Variants in AOPEP observed in about 807,000 individuals in gnomAD.
The protein encoded by AOPEP is aminopeptidase O.
Under a neutral mutation model 98.1 loss-of-function variants are expected in AOPEP, and 77 were observed. The ratio of observed to expected loss-of-function variants is 0.78; its 90% CI spans 0.65 to 0.95. AOPEP has a LOEUF of 0.95. Ranked by LOEUF, AOPEP falls within the 40% of genes least tolerant of loss-of-function variation. The pLI is 0.00. For missense variants in AOPEP, 1,024 were observed against 1,024.7 expected, an observed-to-expected ratio of 1.00 and a Z score of 0.01; for synonymous variants, 346 against 365.3, an observed-to-expected ratio of 0.95 and a Z score of 0.60.
intron 7 of AOPEP, among the ~76,000 whole-genome samples, chr9:94,948,512 T>A (rs1169417372): frequency 6.6e-6 from 1 of 151,986 alleles, no homozygotes; most frequent in Non-Finnish European, 1.5e-5. Context: ...CCCCATCTCT[T>A]ATCTTTGCAA....
At chr9:94,803,514 G>C (rs1848619784) in intron 5 of AOPEP, among the ~76,000 whole-genome samples, 1 of 152,090 alleles carries the variant, frequency 6.6e-6, no homozygotes, top group South Asian at 2.1e-4. Context: ...TCTCCTCTTT[G>C]ATTCTGTTTT....
intron 13 of AOPEP, among the ~76,000 whole-genome samples, chr9:95,058,063 C>A (rs2066988403): frequency 6.6e-6 from 1 of 152,212 alleles, no homozygotes; most frequent in African/African-American, 2.4e-5. Flanking sequence ...AGGACAAAAG[C>A]TTCCATTGAT....
Position 95,005,189 on chromosome 9 carries a change from A to G in AOPEP, c.2009A>G (p.Glu670Gly), listed in dbSNP as rs2061896067. 6.1e-6 allele frequency: 7 copies of G among 1,146,602 alleles called. No homozygotes were observed. The highest frequency in any genetic ancestry group is 7.5e-6 in the Non-Finnish European group (7 of 930,440). The allele number at this position is 1,146,602 out of a possible 1,614,324, so 71.0% of individuals were successfully genotyped here. A position where few individuals can be genotyped will look rare whatever the true frequency, so the allele number is the denominator to read the frequency against. The change falls in exon 12 of 17, where the codon GAG becomes GGG. Residue 670 changes from glutamate to glycine, a missense_variant. By Grantham distance (98) the Glu-to-Gly change is moderately conservative (BLOSUM62 -2). Transcript: ENST00000375315. ...CAGAGGGAGCGTCGCGCCGGGGCGG[A>G]GTGCGGGCTTGCGCGGCAAGTGCGC... ...PLQRERRAGA[E>G]CGLARQVRAE...
At chr9:94,781,690 A>T (rs1843285589) in intron 3 of AOPEP, among the ~76,000 whole-genome samples, 1 of 150,986 alleles carries the variant, frequency 6.6e-6, no homozygotes, top group Non-Finnish European at 1.5e-5. Context: ...CCTCCCGAGT[A>T]GCTGGGACTA....
intron 13 of AOPEP, among the ~76,000 whole-genome samples, chr9:95,007,388 TG>T (rs5899241): frequency 0.81 from 118,863 of 146,750 alleles, 48,788 homozygotes; most frequent in Non-Finnish European, 0.89. Context: ...GGGGAGAAAG[TG>T]GGGGGGGGAC....
rs1204293879 is a variant in AOPEP, at chr9:94,930,481, G to A, written c.1661+1950G>A. ...ATTCAGGAGCTCACTGGAGAGACTG[G>A]AACATTCAGCCTATAAAACCCTTTA... On this transcript the variant is annotated intron_variant, in intron 7 of 16. Coordinates refer to ENST00000375315, the MANE Select transcript of AOPEP (RefSeq NM_001193329.3). The surrounding 1 kb of genome is among the most constrained non-coding windows in gnomAD (Gnocchi z 4.5). Among the ~76,000 whole-genome samples the A allele has an allele frequency of 6.6e-6, 1 of 152,140 alleles. No homozygotes were observed. Among genetic ancestry groups the A allele is most frequent in the Non-Finnish European group, 1.5e-5 (1 of 68,030 alleles).
At chr9:94,902,283 A>G (rs1202513422) in intron 5 of AOPEP, among the ~76,000 whole-genome samples, 10 of 152,316 alleles carry the variant, frequency 6.6e-5, no homozygotes, top group Non-Finnish European at 1.5e-5. Flanking sequence ...AAGGAAACTA[A>G]TAAAGCTGGC....
At chr9:95,004,315 AAAAC>A (rs1378193718) in intron 11 of AOPEP, 5 of 456,358 alleles carry the variant, frequency 1.1e-5, no homozygotes, top group Admixed American at 9.4e-5. Context: ...CCTAATTATG[AAAAC>A]AGATTGACCC....
intron 1 of AOPEP, among the ~76,000 whole-genome samples, chr9:94,752,655 A>T (rs1450738922): frequency 6.6e-6 from 1 of 152,206 alleles, no homozygotes; most frequent in East Asian, 1.9e-4. Flanking sequence ...ACTAAAGATA[A>T]ACTTAAGTAA....
chr9:94,995,828 C>G (rs2061187107), intron 11 of AOPEP, among the ~76,000 whole-genome samples: 1 of 152,290 alleles, frequency 6.6e-6, no homozygotes, highest in African/African-American at 2.4e-5. Context: ...TAATAAAGCT[C>G]TAATGTTCTT....
the AOPEP span, among the ~76,000 whole-genome samples, chr9:95,103,079 A>G: frequency 6.6e-5 from 10 of 152,158 alleles, no homozygotes; most frequent in Non-Finnish European, 7.4e-5. Context: ...TTCATCAAGG[A>G]AACAATGTGA....
Position 94,792,740 on chromosome 9 carries a change from A to G in AOPEP, c.965-25A>G, listed in dbSNP as rs747943358. ...CCCAGGATCATATATTGGCCTCATT[A>G]TGGTTTTTCTCTTCCTGTTTACAGA... On this transcript the variant is annotated intron_variant, in intron 3 of 16. Coordinates refer to ENST00000375315, the MANE Select transcript of AOPEP (RefSeq NM_001193329.3). 7 of 1,566,124 alleles carry G rather than the reference A, an allele frequency of 4.5e-6. No homozygotes were observed. The Admixed American group carries it at 5.5e-5, about 12-fold the overall frequency.
chr9:95,067,535 A>C (rs1587886586), intron 14 of AOPEP, among the ~76,000 whole-genome samples: 1 of 152,172 alleles, frequency 6.6e-6, no homozygotes, highest in Admixed American at 6.5e-5. Flanking sequence ...CACTGAGGGA[A>C]CCAGCCAGCG....
At chr9:95,005,736 A>G (rs2061962083) in intron 13 of AOPEP, 120 bp downstream of exon 13, 2 of 735,576 alleles carry the variant, frequency 2.7e-6, no homozygotes, top group Admixed American at 4.7e-5. Context: ...ATAATAAACC[A>G]TAGATTTAAT....
Position 94,830,645 on chromosome 9 carries a change from G to T in AOPEP, c.1364+29643G>T, listed in dbSNP as rs1855758011. ...AATGGCCACACTGTCTTCCACGATGGTTGAAATAATTTACACTCTCACCAA... is the reference window on the plus strand; with the variant it reads ...AATGGCCACACTGTCTTCCACGATGTTTGAAATAATTTACACTCTCACCAA... On this transcript the variant is annotated intron_variant, in intron 5 of 16. Transcript: ENST00000375315. Among the ~76,000 whole-genome samples the T allele has an allele frequency of 2.6e-5, 4 of 152,292 alleles. No individual in the cohort carries two copies. In the South Asian group the frequency reaches 8.3e-4, roughly 32 times the overall value.
chr9:95,039,133 A>G (rs1182473198), intron 13 of AOPEP, among the ~76,000 whole-genome samples: 1 of 152,198 alleles, frequency 6.6e-6, no homozygotes, highest in East Asian at 1.9e-4. Flanking sequence ...ATTGAATAGC[A>G]TAATGGTGGA....
intron 5 of AOPEP, among the ~76,000 whole-genome samples, chr9:94,914,093 C>G (rs1564370903): frequency 6.6e-6 from 1 of 152,124 alleles, no homozygotes; most frequent in African/African-American, 2.4e-5. Flanking sequence ...AGGGGCCAGG[C>G]AGCAATATAA....
At chr9:94,908,855 C>T (rs1284530646) in intron 5 of AOPEP, among the ~76,000 whole-genome samples, 1 of 152,010 alleles carries the variant, frequency 6.6e-6, no homozygotes, top group Non-Finnish European at 1.5e-5. Flanking sequence ...CAGCCGAGTG[C>T]TGCAAATCTC....
intron 5 of AOPEP, chr9:94,809,817 A>T (rs1414727325): frequency 6.5e-6 from 1 of 154,006 alleles, no homozygotes; most frequent in African/African-American, 2.4e-5. Context: ...ACAATTATGA[A>T]AGTAAATTCT....
Sources: allele counts gnomAD v4.1 joint callset (sites outside exome capture counted in the v4.1 genomes callset), GRCh38; gene constraint gnomAD v4.1.1; non-coding constraint Gnocchi (gnomAD v3.1); transcripts MANE v1.5; gene names NCBI Gene and HGNC (gene_info 2026-07-23, HGNC 2026-07-21).